MFGE8: variants seen among roughly 807,000 people sequenced by gnomAD.
MFGE8 encodes milk fat globule EGF and factor V/VIII domain containing, also known as lactadherin.
A neutral mutation model predicts 42.6 loss-of-function variants in MFGE8; 34 were observed. The observed-to-expected ratio is 0.80, with a 90% CI of 0.61 to 1.06. The LOEUF (loss-of-function observed/expected upper bound fraction) is 1.06. MFGE8 is among the 50% of genes least tolerant of loss of function. MFGE8 has a pLI of 0.00. For synonymous variants in MFGE8, 230 were observed against 214.8 expected (o/e 1.07, Z -0.62); for missense variants, 510 against 516.9 (o/e 0.99, Z 0.13).
At position 88,913,307 on chromosome 15, in the gene MFGE8, G is replaced by T. The variant is rs541808249; in HGVS notation, c.13C>A (p.Arg5Ser). 4,429 of 1,463,068 alleles carry T rather than the reference G, an allele frequency of 3.0e-3. 8 individuals carry two copies. The highest frequency in any genetic ancestry group is 3.6e-3 in the Admixed American group (140 of 38,378). 90.6% of individuals were successfully genotyped at this position (1,463,068 alleles called of 1,614,324 possible). Residue 5 changes from arginine to serine, a missense_variant, in exon 1 of 8, where the codon CGC becomes AGC. Coordinates refer to ENST00000268150, the MANE Select transcript of MFGE8 (RefSeq NM_005928.4). MPRP[R>S]LLAALCGALL... ...GCGCCGCACAGCGCGGCCAGCAGGC[G>T]GGGGCGCGGCATGCTGCGGGGACGC...
Position 88,899,120 on chromosome 15 carries a change from T to A in MFGE8, c.*275A>T. On this transcript the variant is annotated 3_prime_UTR_variant, in exon 8 of 8. Transcript: ENST00000268150. This position sits in a 1 kb window ranked among gnomAD's most constrained non-coding sequence, Gnocchi z 6.8. ...GAAACCACACGCCCTACTTTGCCCT[T>A]TCCTGTCCATCCCAGACCTACTCAG... is the stretch of plus-strand genomic sequence containing the variant. 1.9e-6 allele frequency: 1 copy of A among 532,968 alleles called. No homozygotes were observed. Among genetic ancestry groups the A allele is most frequent in the Non-Finnish European group, 3.4e-6 (1 of 294,680 alleles). 33.0% of individuals were successfully genotyped at this position (532,968 alleles called of 1,614,324 possible). A position where few individuals can be genotyped will look rare whatever the true frequency, so the allele number is the denominator to read the frequency against.
chr15:88,910,538 A>AT, intron 1 of MFGE8: 1 of 168,626 alleles, frequency 5.9e-6, no homozygotes, highest in Admixed American at 5.6e-5. Flanking sequence ...CCAAGGGGAA[A>AT]GAGGCCAGCA....
chr15:88,912,706 C>T, intron 1 of MFGE8: 1 of 985,396 alleles, frequency 1.0e-6, no homozygotes, highest in Admixed American at 6.1e-5. Flanking sequence ...GGTCCCCTCC[C>T]GGGCCCCACT....
At chr15:88,908,029 C>T (rs560158098) in intron 2 of MFGE8, among the ~76,000 whole-genome samples, 14 of 152,308 alleles carry the variant, frequency 9.2e-5, no homozygotes, top group African/African-American at 3.1e-4. Flanking sequence ...ATTCTGCTTT[C>T]CCTCTTTACG....
Position 88,905,417 on chromosome 15 carries a change from T to C in MFGE8, c.685+340A>G. ...AAGCAAACAAAACAGACAGATTCTC[T>C]GCCCTCGTAAAGCTGACATCTGCCA... On this transcript the variant is annotated intron_variant, in intron 5 of 7. Coordinates refer to ENST00000268150, the MANE Select transcript of MFGE8 (RefSeq NM_005928.4). The surrounding 1 kb of genome is among the most constrained non-coding windows in gnomAD (Gnocchi z 6.6). 1 of 505,856 alleles carries C rather than the reference T, an allele frequency of 2.0e-6. No homozygotes were observed. Among genetic ancestry groups the C allele is most frequent in the Admixed American group, 2.3e-5 (1 of 43,274 alleles). The allele number at this position is 505,856 out of a possible 1,614,324, so 31.3% of individuals were successfully genotyped here. A position where few individuals can be genotyped will look rare whatever the true frequency, so the allele number is the denominator to read the frequency against.
chr15:88,901,721 G>A lies in MFGE8; in HGVS notation c.700C>T (p.Leu234=), dbSNP rs752083885. 23 of 1,613,860 alleles carry A rather than the reference G, an allele frequency of 1.4e-5. No homozygotes were observed. Among genetic ancestry groups the A allele is most frequent in the Middle Eastern group, 1.6e-4 (1 of 6,084 alleles). The change falls in exon 6 of 8, where the codon CTG becomes TTG. Residue 234 remains leucine (L), a synonymous_variant. Coordinates refer to ENST00000268150, the MANE Select transcript of MFGE8 (RefSeq NM_005928.4). The stretch of plus-strand genomic sequence containing the variant: ...GGGATGCTGTTATTCTTCAGGCCCA[G>A]GGGATTGGCGCATCCTGCCAGCAAG... ...GCELNGCANP[L]GLKNNSIPDK...
Position 88,899,182 on chromosome 15 carries a change from TG to T in MFGE8, c.*212del. On this transcript the variant is annotated 3_prime_UTR_variant, in exon 8 of 8. Coordinates refer to ENST00000268150, the MANE Select transcript of MFGE8 (RefSeq NM_005928.4). This position sits in a 1 kb window ranked among gnomAD's most constrained non-coding sequence, Gnocchi z 6.8. ...CCTAAGAAAACAGGACAGTGAGGACTGGGGGTTAGGGGACGGGGCTTAGGGG... is the reference window on the plus strand; with the variant it reads ...CCTAAGAAAACAGGACAGTGAGGACTGGGGTTAGGGGACGGGGCTTAGGGG... The T allele has an allele frequency of 3.4e-6, 2 of 581,954 alleles. No homozygotes were observed. The highest frequency in any genetic ancestry group is 5.7e-6 in the Non-Finnish European group (2 of 348,226). The allele number at this position is 581,954 out of a possible 1,614,324, so 36.0% of individuals were successfully genotyped here.
At position 88,913,308 on chromosome 15, in the gene MFGE8, G is replaced by C; in HGVS notation, c.12C>G (p.Pro4=). ...CGCCGCACAGCGCGGCCAGCAGGCG[G>C]GGGCGCGGCATGCTGCGGGGACGCG... MPR[P]RLLAALCGAL... Residue 4 remains proline (P), a synonymous_variant, in exon 1 of 8, where the codon CCC becomes CCG. Coordinates refer to ENST00000268150, the MANE Select transcript of MFGE8 (RefSeq NM_005928.4). 1 of 1,462,836 alleles carries C rather than the reference G, an allele frequency of 6.8e-7. No individual in the cohort carries two copies. Among genetic ancestry groups the C allele is most frequent in the Non-Finnish European group, 8.9e-7 (1 of 1,117,536 alleles). 90.6% of individuals were successfully genotyped at this position (1,462,836 alleles called of 1,614,324 possible).
At chr15:88,901,530 A>C in intron 6 of MFGE8, 21 bp downstream of exon 6, 3 of 1,380,580 alleles carry the variant, frequency 2.2e-6, no homozygotes, top group Non-Finnish European at 2.0e-6. Flanking sequence ...CCAGCCCCAT[A>C]TCCCAAGAAG....
At chr15:88,900,999 ACATT>A (rs1419481235) in intron 6 of MFGE8, among the ~76,000 whole-genome samples, 2 of 111,472 alleles carry the variant, frequency 1.8e-5, no homozygotes, top group Admixed American at 9.5e-5. Context: ...TCACACACAC[ACATT>A]CACACACACA....
At chr15:88,913,220 G>A in intron 1 of MFGE8, 27 bp downstream of exon 1, 1 of 1,495,154 alleles carries the variant, frequency 6.7e-7, no homozygotes, top group Non-Finnish European at 8.9e-7. Flanking sequence ...GAGGGGCGAG[G>A]GGCAGAGGGC....
rs749664891 is a variant in MFGE8 at position 88,906,569 on chromosome 15, C to A, written c.540+57G>T. 3 of 1,608,046 alleles carry A rather than the reference C, an allele frequency of 1.9e-6. No individual in the cohort carries two copies. Among genetic ancestry groups the A allele is most frequent in the Non-Finnish European group, 2.6e-6 (3 of 1,175,150 alleles). ...ACTCGCTGGGGGTCCTCAGTCAATG[C>A]TAGAACCTTAGGGGGTATGGACCAC... On this transcript the variant is annotated intron_variant, in intron 4 of 7. Coordinates refer to ENST00000268150, the MANE Select transcript of MFGE8 (RefSeq NM_005928.4). The surrounding 1 kb of genome is among the most constrained non-coding windows in gnomAD (Gnocchi z 4.2).
rs1240063525 is a variant in MFGE8 at position 88,898,742 on chromosome 15, C to T, written c.*653G>A. 1 of 155,702 alleles carries T rather than the reference C, an allele frequency of 6.4e-6. No individual in the cohort carries two copies. The highest frequency in any genetic ancestry group is 2.4e-5 in the African/African-American group (1 of 41,414). The allele number at this position is 155,702 out of a possible 1,614,324, so 9.6% of individuals were successfully genotyped here. A position where few individuals can be genotyped will look rare whatever the true frequency, so the allele number is the denominator to read the frequency against. ...GCCTGTGTCCTCTGGGGTGAAAAGC[C>T]AGCATAGAGGGCCCCAAACGCCCAC... is the stretch of plus-strand genomic sequence containing the variant. On this transcript the variant is annotated 3_prime_UTR_variant, in exon 8 of 8. Coordinates refer to ENST00000268150, the MANE Select transcript of MFGE8 (RefSeq NM_005928.4).
At chr15:88,901,517 A>ATACCCACAAAGGGGACC in intron 6 of MFGE8, 34 bp downstream of exon 6, 1 of 1,072,616 alleles carries the variant, frequency 9.3e-7, no homozygotes, top group Non-Finnish European at 1.4e-6. Context: ...ATCCCACCCA[A>ATACCCACAAAGGGGACC]CCCCAGCCCC....
Position 88,899,559 on chromosome 15 carries a change from ACCCCGAGCCAGC to A in MFGE8, c.1027-39_1027-28del, listed in dbSNP as rs1306632108. ...TAGAGGCAGAGCGGGTGTCAGGAGGACCCCGAGCCAGCCCCCCTCCCCTCAGAGCCCCAGGCC... is the reference window on the plus strand; with the variant it reads ...TAGAGGCAGAGCGGGTGTCAGGAGGACCCCCTCCCCTCAGAGCCCCAGGCC... On this transcript the variant is annotated intron_variant, in intron 7 of 7. Coordinates refer to ENST00000268150, the MANE Select transcript of MFGE8 (RefSeq NM_005928.4). This position sits in a 1 kb window ranked among gnomAD's most constrained non-coding sequence, Gnocchi z 6.8. 1.9e-6 allele frequency: 3 copies of A among 1,613,690 alleles called. No homozygotes were observed. Among genetic ancestry groups the A allele is most frequent in the East Asian group, 4.5e-5 (2 of 44,844 alleles).
chr15:88,906,301 G>A lies in MFGE8; in HGVS notation c.540+325C>T. 4.4e-6 allele frequency: 2 copies of A among 457,988 alleles called. No individual in the cohort carries two copies. Among genetic ancestry groups the A allele is most frequent in the South Asian group, 4.2e-5 (2 of 47,764 alleles). 28.4% of individuals were successfully genotyped at this position (457,988 alleles called of 1,614,324 possible). A position where few individuals can be genotyped will look rare whatever the true frequency, so the allele number is the denominator to read the frequency against. On this transcript the variant is annotated intron_variant, in intron 4 of 7. Coordinates refer to ENST00000268150, the MANE Select transcript of MFGE8 (RefSeq NM_005928.4). This position sits in a 1 kb window ranked among gnomAD's most constrained non-coding sequence, Gnocchi z 4.2. Reference sequence around the variant, plus strand: ...GTGCCTGCTTAGCAATGACATCCTTGAGCAGTGTACAACCTACACAACTGT... The same window carrying A: ...GTGCCTGCTTAGCAATGACATCCTTAAGCAGTGTACAACCTACACAACTGT...
Position 88,902,291 on chromosome 15 carries a change from T to C in MFGE8, c.686-556A>G, listed in dbSNP as rs2141698842. On this transcript the variant is annotated intron_variant, in intron 5 of 7. Coordinates refer to ENST00000268150, the MANE Select transcript of MFGE8 (RefSeq NM_005928.4). This position sits in a 1 kb window ranked among gnomAD's most constrained non-coding sequence, Gnocchi z 4.3. ...AATGAAGTAGAAATTAGTAAGCCCA[T>C]TCTATAGATGAGAAAACTGAAAGAC... 2 of 160,468 alleles carry C rather than the reference T, an allele frequency of 1.2e-5. No individual in the cohort carries two copies. The highest frequency in any genetic ancestry group is 3.5e-4 in the East Asian group (2 of 5,666). The allele number at this position is 160,468 out of a possible 1,614,324, so 9.9% of individuals were successfully genotyped here. A position where few individuals can be genotyped will look rare whatever the true frequency, so the allele number is the denominator to read the frequency against.
In MFGE8 at chr15:88,899,268, G is replaced by A. The variant is rs1040676628; in HGVS notation, c.*127C>T. On this transcript the variant is annotated 3_prime_UTR_variant, in exon 8 of 8. Coordinates refer to ENST00000268150, the MANE Select transcript of MFGE8 (RefSeq NM_005928.4). The surrounding 1 kb of genome is among the most constrained non-coding windows in gnomAD (Gnocchi z 6.8). ...AAGAGGGAGGGAGGGGTGACTGTGT[G>A]GTGGTGCTGCCTCTGAACACCCTCC... 3 of 1,274,928 alleles carry A rather than the reference G, an allele frequency of 2.4e-6. No individual in the cohort carries two copies. The highest frequency in any genetic ancestry group is 1.3e-5 in the South Asian group (1 of 77,904). The allele number at this position is 1,274,928 out of a possible 1,614,324, so 79.0% of individuals were successfully genotyped here. A position where few individuals can be genotyped will look rare whatever the true frequency, so the allele number is the denominator to read the frequency against.
intron 1 of MFGE8, 104 bp downstream of exon 1, chr15:88,913,143 T>A: frequency 7.1e-7 from 1 of 1,406,214 alleles, no homozygotes; most frequent in South Asian, 1.5e-5. Flanking sequence ...CCCGGGGCTT[T>A]GTCTAAGTTT....
Sources: gnomAD v4.1 joint callset for allele counts (sites outside exome capture counted in the v4.1 genomes callset) on GRCh38, gnomAD v4.1.1 for gene constraint, Gnocchi (gnomAD v3.1) non-coding constraint, MANE v1.5 for transcripts, NCBI Gene and HGNC (gene_info 2026-07-23, HGNC 2026-07-21) for gene names.